Variants in KIF18B observed in about 807,000 individuals in gnomAD.
KIF18B encodes kinesin-like protein KIF18B.
KIF18B carries 49 observed loss-of-function variants against 80.9 expected under a neutral mutation model. The ratio of observed to expected loss-of-function variants is 0.61; its 90% CI spans 0.48 to 0.77. The LOEUF (loss-of-function observed/expected upper bound fraction) is 0.77. Ranked by LOEUF, KIF18B falls within the 30% of genes least tolerant of loss-of-function variation. KIF18B has a pLI of 0.00. For missense variants in KIF18B, 994 were observed against 1,127.7 expected (o/e 0.88, Z 1.70); for synonymous variants, 439 against 463.9 (o/e 0.95, Z 0.69).
At chr17:44,947,297 C>T (rs2145763597) in intron 1 of KIF18B, among the ~76,000 whole-genome samples, 1 of 152,162 alleles carries the variant, frequency 6.6e-6, no homozygotes, top group East Asian at 1.9e-4. Context: ...CACTCGCGAG[C>T]AGGAGGACCT....
chr17:44,942,891 C>A (rs1321708246), intron 1 of KIF18B, among the ~76,000 whole-genome samples: 1 of 152,154 alleles, frequency 6.6e-6, no homozygotes, highest in Non-Finnish European at 1.5e-5. Flanking sequence ...ACAGGAGGCA[C>A]AGGAACTTGT....
rs1212744953 is a variant in KIF18B, at chr17:44,935,406, G to A, written c.324C>T (p.Tyr108=). ...LQGYNCSVFA[Y]GATGAGKTHT... is the part of the protein sequence containing the mutation. ...GTGTCTTCCCAGCCCCGGTGGCCCCGTAGGCAAACACTGCAGAGGACATAG... is the reference window on the plus strand; with the variant it reads ...GTGTCTTCCCAGCCCCGGTGGCCCCATAGGCAAACACTGCAGAGGACATAG... Residue 108 remains tyrosine, a synonymous_variant, in exon 3 of 16, where the codon TAC becomes TAT. Coordinates refer to ENST00000593135, the MANE Select transcript of KIF18B (RefSeq NM_001265577.2). 19 of 1,608,926 alleles carry A rather than the reference G, an allele frequency of 1.2e-5. No homozygotes were observed. The East Asian group carries it at 1.6e-4, about 13-fold the overall frequency.
chr17:44,939,098 C>T (rs1272285319), intron 1 of KIF18B, among the ~76,000 whole-genome samples: 9 of 145,848 alleles, frequency 6.2e-5, no homozygotes, highest in South Asian at 4.4e-4. Context: ...GTGCCGGGTG[C>T]GGTGGCTCAT....
Position 44,936,217 on chromosome 17 carries a change from TCAGGGTTAAACACCAG to T in KIF18B, c.112_127del (p.Leu38ArgfsTer10). On this transcript the variant is annotated frameshift_variant, in exon 2 of 16. Coordinates refer to ENST00000593135, the MANE Select transcript of KIF18B (RefSeq NM_001265577.2). LOFTEE classifies it high-confidence loss of function. Reference sequence around the variant, plus strand: ...GCCAGGGAACCCTCCATCGGGCTCCTCAGGGTTAAACACCAGCACCCGCTCGTCCACCACCTGAACC... The same window carrying T: ...GCCAGGGAACCCTCCATCGGGCTCCTCACCCGCTCGTCCACCACCTGAACC... 6.2e-7 allele frequency: 1 copy of T among 1,610,992 alleles called. No individual in the cohort carries two copies. Among genetic ancestry groups the T allele is most frequent in the Non-Finnish European group, 8.5e-7 (1 of 1,178,926 alleles).
In KIF18B at chr17:44,935,379, G is replaced by A; in HGVS notation, c.351C>T (p.His117=). ...AYGATGAGKT[H]TMLGREGDPG... is the part of the protein sequence containing the mutation. Reference sequence around the variant, plus strand: ...GGTCCCCCTCCCTTCCCAGCATGGTGTGTGTCTTCCCAGCCCCGGTGGCCC... The same window carrying A: ...GGTCCCCCTCCCTTCCCAGCATGGTATGTGTCTTCCCAGCCCCGGTGGCCC... The change falls in exon 3 of 16, where the codon CAC becomes CAT. Residue 117 remains histidine, a synonymous_variant. Transcript: ENST00000593135. 6.2e-7 allele frequency: 1 copy of A among 1,613,010 alleles called. No individual in the cohort carries two copies. The highest frequency in any genetic ancestry group is 8.5e-7 in the Non-Finnish European group (1 of 1,179,356).
Position 44,934,377 on chromosome 17 carries a change from C to T in KIF18B, c.741G>A (p.Val247=), listed in dbSNP as rs376572944. The T allele has an allele frequency of 1.2e-4, 185 of 1,607,160 alleles. No individual in the cohort carries two copies. The highest frequency in any genetic ancestry group is 5.9e-4 in the Admixed American group (35 of 58,936). ...RVPGLTQAVQ[V]AKMSLIDLAG... ...CCAGGTCAATCAGGCTCATCTTGGCCACCTGGACAGCCTGGGTCAGTCCTG... is the reference window on the plus strand; with the variant it reads ...CCAGGTCAATCAGGCTCATCTTGGCTACCTGGACAGCCTGGGTCAGTCCTG... Residue 247 remains valine (V), a synonymous_variant, in exon 6 of 16, where the codon GTG becomes GTA. Coordinates refer to ENST00000593135, the MANE Select transcript of KIF18B (RefSeq NM_001265577.2). The surrounding 1 kb of genome is among the most constrained non-coding windows in gnomAD (Gnocchi z 5.4).
rs373817840 is a variant in KIF18B at position 44,936,171 on chromosome 17, A to G, written c.174T>C (p.His58=). The change falls in exon 2 of 16, where the codon CAT becomes CAC. Residue 58 remains histidine, a synonymous_variant. Transcript: ENST00000593135. ...CTTTGCCCTTCTTCTTGGGGCCATC[A>G]TGGGTGCCACCCCATTTCAGGCCAG... ...GFPGLKWGGT[H]DGPKKKGKDL... The G allele has an allele frequency of 6.8e-6, 11 of 1,613,138 alleles. No individual in the cohort carries two copies. In the African/African-American group the frequency reaches 1.1e-4, roughly 16 times the overall value.
intron 1 of KIF18B, among the ~76,000 whole-genome samples, chr17:44,939,564 C>G (rs2052378142): frequency 1.3e-5 from 2 of 151,838 alleles, no homozygotes. Flanking sequence ...AGCTTATGAA[C>G]TTCTATGAAA....
At position 44,939,263 on chromosome 17, in the gene KIF18B, C is replaced by T. The variant is rs541359407; in HGVS notation, c.-14-2905G>A. On this transcript the variant is annotated intron_variant, in intron 1 of 15. Coordinates refer to ENST00000593135, the MANE Select transcript of KIF18B (RefSeq NM_001265577.2). ...GCGGGCGCCTGTAATCGCAGCTACT[C>T]GGAAGGCTGAGGTAGGAGAACCGCT... 1.3e-4 allele frequency among the ~76,000 whole-genome samples: 18 copies of T among 138,906 alleles called. No homozygotes were observed. In the South Asian group the frequency reaches 2.9e-3, roughly 22 times the overall value. The allele number at this position is 138,906 out of a possible 152,430, so 91.1% of individuals were successfully genotyped here. A position where few individuals can be genotyped will look rare whatever the true frequency, so the allele number is the denominator to read the frequency against.
In KIF18B at chr17:44,927,977, T is replaced by G; in HGVS notation, c.2276+49A>C. On this transcript the variant is annotated intron_variant, in intron 13 of 15. Transcript: ENST00000593135. This position sits in a 1 kb window ranked among gnomAD's most constrained non-coding sequence, Gnocchi z 4.1. The stretch of plus-strand genomic sequence containing the variant: ...TCAGCAGCACCAAGAAGTCCCTTGC[T>G]GACCACTGACCACTGACAGGAGGGG... 6.9e-7 allele frequency: 1 copy of G among 1,449,334 alleles called. No homozygotes were observed. Among genetic ancestry groups the G allele is most frequent in the Non-Finnish European group, 9.2e-7 (1 of 1,081,130 alleles). The allele number at this position is 1,449,334 out of a possible 1,614,324, so 89.8% of individuals were successfully genotyped here. A position where few individuals can be genotyped will look rare whatever the true frequency, so the allele number is the denominator to read the frequency against.
chr17:44,941,619 G>A (rs2052420389), intron 1 of KIF18B, among the ~76,000 whole-genome samples: 1 of 152,132 alleles, frequency 6.6e-6, no homozygotes, highest in Non-Finnish European at 1.5e-5. Flanking sequence ...GATTACAGGC[G>A]TGAGCCACTG....
Position 44,936,106 on chromosome 17 carries a change from G to A in KIF18B, c.239C>T (p.Ala80Val), listed in dbSNP as rs758117002. The part of the protein sequence containing the change: ...FVFDRVFGEA[A>V]TQQDVFQHTT... ...GTGCTGGAACACGTCCTGTTGGGTGGCCGCCTCGCCAAAGACCCGGTCAAA... is the reference window on the plus strand; with the variant it reads ...GTGCTGGAACACGTCCTGTTGGGTGACCGCCTCGCCAAAGACCCGGTCAAA... Residue 80 changes from alanine (A) to valine (V), a missense_variant, in exon 2 of 16, where the codon GCC becomes GTC. Transcript: ENST00000593135. 3.1e-6 allele frequency: 5 copies of A among 1,613,838 alleles called. No homozygotes were observed. The highest frequency in any genetic ancestry group is 4.2e-6 in the Non-Finnish European group (5 of 1,179,892).
At position 44,927,214 on chromosome 17, in the gene KIF18B, A is replaced by G; in HGVS notation, c.2277-136T>C. 1.6e-6 allele frequency: 1 copy of G among 622,824 alleles called. No homozygotes were observed. The highest frequency in any genetic ancestry group is 2.8e-6 in the Non-Finnish European group (1 of 359,180). 38.6% of individuals were successfully genotyped at this position (622,824 alleles called of 1,614,324 possible). A position where few individuals can be genotyped will look rare whatever the true frequency, so the allele number is the denominator to read the frequency against. On this transcript the variant is annotated intron_variant, in intron 13 of 15. Transcript: ENST00000593135. The surrounding 1 kb of genome is among the most constrained non-coding windows in gnomAD (Gnocchi z 4.1). ...GATGACCTCTGAGGTTTCTTCTACA[A>G]AGAGGTGGATTCCTCTCTCTGCCTG...
chr17:44,946,235 T>C (rs1477892933), intron 1 of KIF18B, among the ~76,000 whole-genome samples: 1 of 152,198 alleles, frequency 6.6e-6, no homozygotes, highest in Non-Finnish European at 1.5e-5. Flanking sequence ...TTCTATTTTA[T>C]TTTTTTGCAA....
rs148514427 is a variant in KIF18B, at chr17:44,939,561, G to T, written c.-14-3203C>A. On this transcript the variant is annotated intron_variant, in intron 1 of 15. Transcript: ENST00000593135. ...ACATATGATTTTAGAATCAGCTTAT[G>T]AACTTCTATGAAAAATCCTGCTAAG... is the stretch of plus-strand genomic sequence containing the variant. Among the ~76,000 whole-genome samples, 1,324 of 151,900 alleles carry T rather than the reference G, an allele frequency of 8.7e-3. 16 individuals carry two copies. Among genetic ancestry groups the T allele is most frequent in the African/African-American group, 0.029 (1,205 of 41,432 alleles).
chr17:44,936,620 A>ATTT (rs2052312953), intron 1 of KIF18B, among the ~76,000 whole-genome samples: 1 of 60,154 alleles, frequency 1.7e-5, no homozygotes, highest in African/African-American at 7.6e-5. Flanking sequence ...ATATATATAT[A>ATTT]TATATTTTTT....
chr17:44,936,590 CTCTCTCTCTATATATATATATATATA>C (rs1388684458), intron 1 of KIF18B, among the ~76,000 whole-genome samples: 8 of 59,054 alleles, frequency 1.4e-4, no homozygotes, highest in Non-Finnish European at 2.3e-4. Context: ...CTCTCTCTCT[CTCTCTCTCTATATATATATATATATA>C]TATATATATT....
At position 44,933,928 on chromosome 17, in the gene KIF18B, G is replaced by T. The variant is rs1297565189; in HGVS notation, c.1057C>A (p.Leu353Ile). ...CGGCCCTGGCTGGCACGCACCGAGAGCCTGATCTCCTTGGCCCGGTCGGCA... is the reference window on the plus strand; with the variant it reads ...CGGCCCTGGCTGGCACGCACCGAGATCCTGATCTCCTTGGCCCGGTCGGCA... The part of the protein sequence containing the change: ...KYADRAKEIR[L>I]SLKSNVTSLD... Residue 353 changes from leucine to isoleucine, a missense_variant, in exon 7 of 16, where the codon CTC becomes ATC. Physicochemically the swap from Leu to Ile is conservative, Grantham distance 5. Transcript: ENST00000593135. 1 of 1,563,200 alleles carries T rather than the reference G, an allele frequency of 6.4e-7. No individual in the cohort carries two copies. Among genetic ancestry groups the T allele is most frequent in the Middle Eastern group, 1.7e-4 (1 of 5,966 alleles).
chr17:44,944,853 A>G (rs1303046957), intron 1 of KIF18B, among the ~76,000 whole-genome samples: 2 of 152,212 alleles, frequency 1.3e-5, no homozygotes, highest in African/African-American at 4.8e-5. Flanking sequence ...CATTGTCAAA[A>G]AGAATGTTCC....
Sources: gnomAD v4.1 joint callset for allele counts (sites outside exome capture counted in the v4.1 genomes callset) on GRCh38, gnomAD v4.1.1 for gene constraint, Gnocchi (gnomAD v3.1) non-coding constraint, MANE v1.5 for transcripts, NCBI Gene and HGNC (gene_info 2026-07-23, HGNC 2026-07-21) for gene names.